Variants in SLCO4A1 observed in about 807,000 individuals in gnomAD.
SLCO4A1 encodes the protein solute carrier organic anion transporter family member 4A1.
SLCO4A1 carries 51 observed loss-of-function variants against 64.6 expected under a neutral mutation model. The ratio of observed to expected loss-of-function variants is 0.79; its 90% CI spans 0.63 to 1.00. The LOEUF (loss-of-function observed/expected upper bound fraction) is 1.00, where lower values mean the gene tolerates loss of function less well. Ranked by LOEUF, SLCO4A1 falls within the 50% of genes least tolerant of loss-of-function variation. SLCO4A1 has a pLI of 0.00. For synonymous variants in SLCO4A1, 471 were observed against 444.9 expected, an observed-to-expected ratio of 1.06 and a Z score of -0.74; for missense variants, 919 against 980.5, an observed-to-expected ratio of 0.94 and a Z score of 0.84.
chr20:62,678,106 G>A (rs548244004), intron 2 of SLCO4A1, among the ~76,000 whole-genome samples: 3 of 152,368 alleles, frequency 2.0e-5, no homozygotes, highest in East Asian at 3.9e-4. Context: ...GGAACAGTAG[G>A]TTATGCAGCG....
chr20:62,647,167 C>CTCCT (rs1343205863), intron 1 of SLCO4A1, among the ~76,000 whole-genome samples: 1 of 152,274 alleles, frequency 6.6e-6, no homozygotes, highest in African/African-American at 2.4e-5. Context: ...GAAGTGAAAG[C>CTCCT]TCCTTTCATT....
downstream of SLCO4A1, among the ~76,000 whole-genome samples, chr20:62,687,705 G>A (rs6062840): frequency 2.0e-3 from 299 of 152,284 alleles, 2 homozygotes; most frequent in African/African-American, 6.7e-3. Flanking sequence ...CACGGGCTGT[G>A]GGGGGCCGCT....
intron 11 of SLCO4A1, among the ~76,000 whole-genome samples, chr20:62,671,441 G>C (rs1987200589): frequency 6.6e-6 from 1 of 152,212 alleles, no homozygotes; most frequent in Non-Finnish European, 1.5e-5. Context: ...AATTACATCT[G>C]CAAAGACCCT....
rs1988026155 is a variant in SLCO4A1 at position 62,685,393 on chromosome 20, T to C, written n.212-48T>C. 3.1e-6 allele frequency: 3 copies of C among 970,500 alleles called. No individual in the cohort carries two copies. The highest frequency in any genetic ancestry group is 3.7e-6 in the Non-Finnish European group (3 of 816,272). 60.1% of individuals were successfully genotyped at this position (970,500 alleles called of 1,614,324 possible). On this transcript the variant is annotated intron_variant and non_coding_transcript_variant, in intron 2 of 2. Transcript: ENST00000466818. The surrounding 1 kb of genome is among the most constrained non-coding windows in gnomAD (Gnocchi z 4.6). ...CGCTCCCTTCCACTCTGCTGTGGCC[T>C]GACCAAGCGGGCTGTTTTCTTGCTT...
intron 1 of SLCO4A1, among the ~76,000 whole-genome samples, chr20:62,654,328 C>A (rs1983229148): frequency 6.6e-6 from 1 of 152,204 alleles, no homozygotes; most frequent in Non-Finnish European, 1.5e-5. Flanking sequence ...ACGCTTTTTC[C>A]AAATAAGGTC....
intron 1 of SLCO4A1, among the ~76,000 whole-genome samples, chr20:62,651,012 C>G (rs1982385175): frequency 6.6e-6 from 1 of 152,194 alleles, no homozygotes; most frequent in Non-Finnish European, 1.5e-5. Flanking sequence ...TGGTACAATC[C>G]TGGAAACTTC....
In SLCO4A1 at chr20:62,664,846, C is replaced by T. The variant is rs1221697752; in HGVS notation, c.1122-88C>T. The stretch of plus-strand genomic sequence containing the variant: ...TCCACACCCCGACCTCTGCCCACCA[C>T]TCTGACCCTCAGTCTCTTCTCCACA... On this transcript the variant is annotated intron_variant, in intron 5 of 11. Transcript: ENST00000217159. 2.2e-6 allele frequency: 3 copies of T among 1,355,792 alleles called. No individual in the cohort carries two copies. The East Asian group carries it at 7.4e-5, about 33-fold the overall frequency. The allele number at this position is 1,355,792 out of a possible 1,614,324, so 84.0% of individuals were successfully genotyped here.
chr20:62,688,401 A>G (rs537597009), downstream of SLCO4A1, among the ~76,000 whole-genome samples: 1 of 150,940 alleles, frequency 6.6e-6, no homozygotes, highest in East Asian at 2.0e-4. Context: ...CAATGACCCC[A>G]CTCACCCCTG....
rs916750603 is a variant in SLCO4A1 at position 62,658,778 on chromosome 20, G to A, written c.887+11G>A. The A allele has an allele frequency of 7.5e-6, 12 of 1,590,158 alleles. No homozygotes were observed. In the East Asian group the frequency reaches 1.1e-4, roughly 15 times the overall value. On this transcript the variant is annotated intron_variant, in intron 3 of 11. Coordinates refer to ENST00000217159, the MANE Select transcript of SLCO4A1 (RefSeq NM_016354.4). Reference sequence around the variant, plus strand: ...GGAAATGGGCCGACGGTGAGTGGCCGCGCACCCAGCTGCCTGCGCTGGAGA... The same window carrying A: ...GGAAATGGGCCGACGGTGAGTGGCCACGCACCCAGCTGCCTGCGCTGGAGA...
intron 7 of SLCO4A1, 134 bp downstream of exon 7, chr20:62,666,709 C>T (rs1986414571): frequency 1.3e-6 from 1 of 776,004 alleles, no homozygotes; most frequent in Non-Finnish European, 2.1e-6. Flanking sequence ...GCGGCAAGGG[C>T]AACACCCGCT....
chr20:62,683,285 G>A (rs1473776332), intron 2 of SLCO4A1, among the ~76,000 whole-genome samples: 2 of 151,906 alleles, frequency 1.3e-5, no homozygotes, highest in African/African-American at 2.4e-5. Context: ...TCGGGCTCTC[G>A]GGAGCGGCCG....
chr20:62,674,208 G>A (rs932328653), downstream of SLCO4A1, among the ~76,000 whole-genome samples: 2 of 152,242 alleles, frequency 1.3e-5, no homozygotes, highest in African/African-American at 4.8e-5. Flanking sequence ...AGCTGAAGGA[G>A]GTGTTCTGGT....
chr20:62,681,333 A>G (rs905050589), intron 2 of SLCO4A1, among the ~76,000 whole-genome samples: 1 of 152,256 alleles, frequency 6.6e-6, no homozygotes, highest in African/African-American at 2.4e-5. Flanking sequence ...CAGCCAGCCC[A>G]TCAACCTTAT....
At position 62,644,158 on chromosome 20, in the gene SLCO4A1, A is replaced by C. The variant is rs1038986445; in HGVS notation, c.-97+1605A>C. ...TCAGTGATCGCAGGACACCAGTAGG[A>C]TGTTGCTCGGGCCGAGACCACACAG... On this transcript the variant is annotated intron_variant, in intron 1 of 11. Coordinates refer to ENST00000217159, the MANE Select transcript of SLCO4A1 (RefSeq NM_016354.4). The surrounding 1 kb of genome is among the most constrained non-coding windows in gnomAD (Gnocchi z 5.4). Among the ~76,000 whole-genome samples, 3 of 151,998 alleles carry C rather than the reference A, an allele frequency of 2.0e-5. No homozygotes were observed. Among genetic ancestry groups the C allele is most frequent in the African/African-American group, 7.2e-5 (3 of 41,380 alleles).
chr20:62,672,346 C>T (rs762657421), downstream of SLCO4A1: 23 of 988,410 alleles, frequency 2.3e-5, no homozygotes, highest in Admixed American at 5.4e-5. Flanking sequence ...TTGGTGGTCT[C>T]GCCATCCTTG....
In SLCO4A1 at chr20:62,668,967, C is replaced by T. The variant is rs1340645291; in HGVS notation, c.1914C>T (p.Ile638=). Residue 638 remains isoleucine (I), a synonymous_variant, in exon 11 of 12, where the codon ATC becomes ATT. Transcript: ENST00000217159. ...GGCCCATCGCCTTCGGCTGGGTGATCGACAAGGCCTGTCTGCTGTGGCAGG... is the reference window on the plus strand; with the variant it reads ...GGCCCATCGCCTTCGGCTGGGTGATTGACAAGGCCTGTCTGCTGTGGCAGG... ...IPGPIAFGWV[I]DKACLLWQDQ... is the part of the protein sequence containing the mutation. 7.5e-6 allele frequency: 12 copies of T among 1,608,904 alleles called. No individual in the cohort carries two copies. The highest frequency in any genetic ancestry group is 9.3e-6 in the Non-Finnish European group (11 of 1,179,960).
intron 2 of SLCO4A1, among the ~76,000 whole-genome samples, chr20:62,680,641 C>T (rs2313152): frequency 0.8 from 121,458 of 151,652 alleles, 48,889 homozygotes; most frequent in South Asian, 0.86. Context: ...GACACAATCC[C>T]ACAGTAGATC....
intron 5 of SLCO4A1, 144 bp from the exon 6 acceptor site, chr20:62,664,790 G>T: frequency 2.0e-6 from 2 of 988,968 alleles, no homozygotes; most frequent in South Asian, 3.9e-5. Context: ...TCCCACCCTG[G>T]GTCTGGCCCA....
Position 62,661,096 on chromosome 20 carries a change from G to A in SLCO4A1, c.1042G>A (p.Glu348Lys), listed in dbSNP as rs1569135235. The change falls in exon 5 of 12, where the codon GAA becomes AAA. Residue 348 changes from glutamate (E) to lysine (K), a missense_variant. Coordinates refer to ENST00000217159, the MANE Select transcript of SLCO4A1 (RefSeq NM_016354.4). This position sits in a 1 kb window ranked among gnomAD's most constrained non-coding sequence, Gnocchi z 5.2. ...SQRYAVMRAA[E>K]MHQLKDSSRG... ...GCGCTACGCGGTCATGAGAGCGGCG[G>A]AAATGCACCAGTTGAAGGACAGCAG... The A allele has an allele frequency of 7.0e-6, 11 of 1,575,792 alleles. No individual in the cohort carries two copies. The highest frequency in any genetic ancestry group is 1.4e-5 in the African/African-American group (1 of 73,676).
Sources: gnomAD v4.1 joint callset for allele counts (sites outside exome capture counted in the v4.1 genomes callset) on GRCh38, gnomAD v4.1.1 for gene constraint, Gnocchi (gnomAD v3.1) non-coding constraint, MANE v1.5 for transcripts, NCBI Gene and HGNC (gene_info 2026-07-23, HGNC 2026-07-21) for gene names.